Variants in PRIM2 observed in about 807,000 individuals in gnomAD.
PRIM2 encodes DNA primase subunit 2.
In PRIM2, 39 loss-of-function variants were observed where a neutral mutation model predicts 67.3. That is an observed-to-expected ratio of 0.58 (90% CI 0.45 to 0.76). The LOEUF (loss-of-function observed/expected upper bound fraction) is 0.76, where lower values mean the gene tolerates loss of function less well. Among genes scored for constraint, PRIM2 ranks in the 30% least tolerant of loss-of-function variants. The probability of loss-of-function intolerance (pLI) is 0.00; values close to 1 mark genes in which losing one functional copy is unlikely to be tolerated. For synonymous variants in PRIM2, 143 were observed against 198.7 expected, an observed-to-expected ratio of 0.72 and a Z score of 2.36; for missense variants, 398 against 598.7, an observed-to-expected ratio of 0.66 and a Z score of 3.50.
intron 8 of PRIM2, among the ~76,000 whole-genome samples, chr6:57,528,110 C>T (rs1379884802): frequency 2.6e-5 from 4 of 151,286 alleles, no homozygotes; most frequent in East Asian, 3.9e-4. Context: ...ACTACAGGTG[C>T]GTGCCACCAC....
intron 7 of PRIM2, chr6:57,497,482 G>A (rs1445442225): frequency 1.3e-5 from 2 of 152,126 alleles, no homozygotes; most frequent in African/African-American, 4.8e-5. Context: ...ATCAGCACTG[G>A]GATGTCTGCT....
chr6:57,252,819 C>T, the PRIM2 span, among the ~76,000 whole-genome samples: 83 of 152,342 alleles, frequency 5.4e-4, no homozygotes, highest in Admixed American at 5.3e-3. Flanking sequence ...CTCACTGCAG[C>T]TCTGTTCTTT....
chr6:57,546,782 C>T (rs1209952377), intron 10 of PRIM2, among the ~76,000 whole-genome samples: 22 of 152,036 alleles, frequency 1.4e-4, no homozygotes, highest in African/African-American at 5.1e-4. Flanking sequence ...CAACCATTTC[C>T]AAGAGAACAT....
intron 10 of PRIM2, among the ~76,000 whole-genome samples, chr6:57,557,956 C>T (rs1775548905): frequency 6.6e-6 from 1 of 152,000 alleles, no homozygotes; most frequent in Non-Finnish European, 1.5e-5. Flanking sequence ...AGAAATATTT[C>T]ACAAAACTTA....
rs1165069801 is a variant in PRIM2 at position 57,645,845 on chromosome 6, A to G, written c.1300-83A>G. On this transcript the variant is annotated intron_variant, in intron 13 of 13. Transcript: ENST00000615550. ...CCATGTTTCAGGTATTAAGTTTTAA[A>G]CAAGTACTAAAACAGCTTTTGAAAC... The G allele has an allele frequency of 1.1e-5, 8 of 716,254 alleles. No homozygotes were observed. In the African/African-American group the frequency reaches 1.4e-4, roughly 13 times the overall value. 44.4% of individuals were successfully genotyped at this position (716,254 alleles called of 1,614,324 possible).
intron 7 of PRIM2, among the ~76,000 whole-genome samples, chr6:57,466,251 T>C (rs1773187125): frequency 6.6e-6 from 1 of 152,260 alleles, no homozygotes; most frequent in Admixed American, 6.5e-5. Flanking sequence ...TTCCAAGTCT[T>C]TGCTATTGTG....
intron 7 of PRIM2, among the ~76,000 whole-genome samples, chr6:57,405,355 G>A (rs1770852410): frequency 6.7e-6 from 1 of 150,266 alleles, no homozygotes; most frequent in African/African-American, 2.4e-5. Context: ...AACAGTGACT[G>A]GACATTGTAA....
the PRIM2 span, among the ~76,000 whole-genome samples, chr6:57,288,801 A>C: frequency 6.6e-6 from 1 of 152,234 alleles, no homozygotes; most frequent in Non-Finnish European, 1.5e-5. Flanking sequence ...TCTGTAGGTT[A>C]CCAACGTCAA....
intron 13 of PRIM2, among the ~76,000 whole-genome samples, chr6:57,640,450 T>G (rs1460232320): frequency 6.6e-6 from 1 of 152,130 alleles, no homozygotes; most frequent in Non-Finnish European, 1.5e-5. Flanking sequence ...TCAAATTGTC[T>G]CTGTTTGCAG....
chr6:57,256,902 A>G, the PRIM2 span, among the ~76,000 whole-genome samples: 4 of 152,238 alleles, frequency 2.6e-5, no homozygotes, highest in African/African-American at 7.2e-5. Context: ...AAATTACTCA[A>G]TTAACCTATT....
At chr6:57,339,837 A>G (rs2127292701) in intron 5 of PRIM2, among the ~76,000 whole-genome samples, 1 of 152,290 alleles carries the variant, frequency 6.6e-6, no homozygotes, top group Non-Finnish European at 1.5e-5. Flanking sequence ...AATGGCAACA[A>G]AAGCCAAAAT....
chr6:57,372,295 A>G (rs1322863009), intron 5 of PRIM2, among the ~76,000 whole-genome samples: 1 of 152,262 alleles, frequency 6.6e-6, no homozygotes, highest in East Asian at 1.9e-4. Context: ...TTTGGAGACC[A>G]CATGGCCTAG....
At chr6:57,549,126 A>AT in intron 10 of PRIM2, among the ~76,000 whole-genome samples, 2 of 152,354 alleles carry the variant, frequency 1.3e-5, no homozygotes, top group Middle Eastern at 3.4e-3. Flanking sequence ...AGCCAGCACT[A>AT]TTATGTTGCT....
intron 7 of PRIM2, among the ~76,000 whole-genome samples, chr6:57,490,832 G>A (rs1487859070): frequency 6.6e-6 from 1 of 152,128 alleles, no homozygotes; most frequent in Admixed American, 6.5e-5. Flanking sequence ...AAACTCCTGG[G>A]CTCAAGCGAT....
chr6:57,441,325 C>T (rs1189330102), intron 7 of PRIM2, among the ~76,000 whole-genome samples: 1 of 152,146 alleles, frequency 6.6e-6, no homozygotes, highest in African/African-American at 2.4e-5. Context: ...TTAGAGCTTA[C>T]CAGGGAAATT....
chr6:57,476,089 A>T (rs1773471790), intron 7 of PRIM2, among the ~76,000 whole-genome samples: 1 of 152,146 alleles, frequency 6.6e-6, no homozygotes, highest in Middle Eastern at 3.2e-3. Context: ...TGGGTGTCCT[A>T]GATACACTCT....
intron 5 of PRIM2, among the ~76,000 whole-genome samples, chr6:57,326,893 CTTTTTTTTTTTTT>C (rs70989764): frequency 0.5 from 65,238 of 131,582 alleles, 15,283 homozygotes; most frequent in South Asian, 0.6. Context: ...GAATTTGTAT[CTTTTTTTTTTTTT>C]TTTTTTTTTT....
chr6:57,314,935 T>C (rs180721122), upstream of PRIM2: 1 of 152,340 alleles, frequency 6.6e-6, no homozygotes. Context: ...TGACCAAAAC[T>C]GTGGCATTAG....
At position 57,619,465 on chromosome 6, in the gene PRIM2, A is replaced by C. The variant is rs1776813291; in HGVS notation, c.1231-12668A>C. Among the ~76,000 whole-genome samples the C allele has an allele frequency of 2.0e-5, 3 of 152,368 alleles. No homozygotes were observed. In the Middle Eastern group the frequency reaches 0.01, roughly 518 times the overall value. ...AATTCAGTAGGTTAGTTATTAAGCT[A>C]ATCAGGGAGAACCAGGGAAAGGCAA... On this transcript the variant is annotated intron_variant, in intron 12 of 13. Coordinates refer to ENST00000615550, the MANE Select transcript of PRIM2 (RefSeq NM_000947.5).
Sources: gnomAD v4.1 joint callset for allele counts (sites outside exome capture counted in the v4.1 genomes callset) on GRCh38, gnomAD v4.1.1 for gene constraint, MANE v1.5 for transcripts, NCBI Gene and HGNC (gene_info 2026-07-23, HGNC 2026-07-21) for gene names.